FGFR3: variants seen among roughly 807,000 people sequenced by gnomAD.
FGFR3 encodes the protein fibroblast growth factor receptor 3.
FGFR3 carries 25 observed loss-of-function variants against 82.9 expected under a neutral mutation model. The observed-to-expected ratio is 0.30, with a 90% CI of 0.22 to 0.42. FGFR3 has a LOEUF of 0.42. Among genes scored for constraint, FGFR3 ranks in the 10% least tolerant of loss-of-function variants. The pLI, the probability that FGFR3 is intolerant of heterozygous loss-of-function variation, is 1.00. For missense variants in FGFR3, 1,026 were observed against 1,161.0 expected, an observed-to-expected ratio of 0.88 and a Z score of 1.69; for synonymous variants, 620 against 516.0, an observed-to-expected ratio of 1.20 and a Z score of -2.73.
chr4:1,801,389 C>A lies in FGFR3; in HGVS notation c.468C>A (p.Pro156=). 1 of 1,557,026 alleles carries A rather than the reference C, an allele frequency of 6.4e-7. No homozygotes were observed. The highest frequency in any genetic ancestry group is 8.7e-7 in the Non-Finnish European group (1 of 1,151,840). The change falls in exon 5 of 18, where the codon CCC becomes CCA. Residue 156 remains proline (P), a synonymous_variant. Coordinates refer to ENST00000440486, the MANE Select transcript of FGFR3 (RefSeq NM_000142.5). ...VDTGAPYWTR[P]ERMDKKLLAV... ...CAGGGGCCCCTTACTGGACACGGCC[C>A]GAGCGGATGGACAAGAAGCTGCTGG...
At chr4:1,804,997 C>T (rs750176638) in intron 10 of FGFR3, 28 bp downstream of exon 10, 5 of 1,530,602 alleles carry the variant, frequency 3.3e-6, no homozygotes, top group Admixed American at 2.0e-5. Context: ...CCAGCGTTGG[C>T]TGTAGGGGGC....
At chr4:1,794,716 G>A (rs1720264653) in intron 2 of FGFR3, among the ~76,000 whole-genome samples, 1 of 152,210 alleles carries the variant, frequency 6.6e-6, no homozygotes, top group African/African-American at 2.4e-5. Context: ...CAAGGGGCGA[G>A]GGGAGGGGAA....
At chr4:1,795,144 C>A (rs1218880475) in intron 2 of FGFR3, among the ~76,000 whole-genome samples, 1 of 151,938 alleles carries the variant, frequency 6.6e-6, no homozygotes, top group Non-Finnish European at 1.5e-5. Context: ...AGTGGCCCGG[C>A]GCTTGAATGT....
chr4:1,804,222 G>C, intron 8 of FGFR3, 108 bp from the exon 9 acceptor site: 1 of 1,301,384 alleles, frequency 7.7e-7, no homozygotes, highest in Non-Finnish European at 1.1e-6. Context: ...CTGAGGTTCT[G>C]AGCCCCCTTC....
At chr4:1,803,130 T>TGCACGCCCC (rs1225513528) in intron 7 of FGFR3, 457 of 1,432,556 alleles carry the variant, frequency 3.2e-4, no homozygotes, top group Admixed American at 3.6e-4. Context: ...CCGCGCGCCC[T>TGCACGCCCC]GCACGCCCCG....
At position 1,793,820 on chromosome 4, in the gene FGFR3, C is replaced by A; in HGVS notation, c.-102-13C>A. The A allele has an allele frequency of 5.5e-6, 1 of 183,098 alleles. No homozygotes were observed. The highest frequency in any genetic ancestry group is 1.7e-4 in the South Asian group (1 of 5,966). The allele number at this position is 183,098 out of a possible 1,614,324, so 11.3% of individuals were successfully genotyped here. On this transcript the variant is annotated splice_polypyrimidine_tract_variant and intron_variant, in intron 1 of 17. Transcript: ENST00000440486. ...GTCCGCCCCTCTAACGAGCTGCCTT[C>A]CTCCTCCTGTAGTCTCCCGAGCGGC...
At chr4:1,800,457 G>A (rs1009209688) in intron 4 of FGFR3, among the ~76,000 whole-genome samples, 3 of 152,082 alleles carry the variant, frequency 2.0e-5, no homozygotes, top group Admixed American at 6.5e-5. Flanking sequence ...TACGACTTGC[G>A]GACTGATGGT....
At chr4:1,795,471 A>T (rs1340933619) in intron 2 of FGFR3, among the ~76,000 whole-genome samples, 1 of 151,812 alleles carries the variant, frequency 6.6e-6, no homozygotes, top group Admixed American at 6.5e-5. Flanking sequence ...AGCTGGTGAA[A>T]CAGGTAGTGA....
intron 2 of FGFR3, among the ~76,000 whole-genome samples, chr4:1,797,562 C>T (rs995722154): frequency 6.6e-6 from 1 of 152,262 alleles, no homozygotes; most frequent in African/African-American, 2.4e-5. Flanking sequence ...CCGGAACCAA[C>T]CGGCTGTTGC....
rs1030504803 is a variant in FGFR3 at position 1,808,075 on chromosome 4, AGTTTT to A, written c.*819_*823del. The A allele has an allele frequency of 1.3e-5, 3 of 233,236 alleles. No homozygotes were observed. The highest frequency in any genetic ancestry group is 2.5e-5 in the Non-Finnish European group (3 of 118,214). The allele number at this position is 233,236 out of a possible 1,614,324, so 14.4% of individuals were successfully genotyped here. ...GGACCAGGGCCTTTTCTGGCACCGC[AGTTTT>A]GTTTTAAAACTGGACCTGTATATTT... On this transcript the variant is annotated 3_prime_UTR_variant, in exon 18 of 18. Transcript: ENST00000440486.
rs1323455609 is a variant in FGFR3 at position 1,801,825 on chromosome 4, G to A, written c.740-10G>A. 4 of 1,604,578 alleles carry A rather than the reference G, an allele frequency of 2.5e-6. No individual in the cohort carries two copies. In the African/African-American group the frequency reaches 5.4e-5, roughly 21 times the overall value. On this transcript the variant is annotated splice_polypyrimidine_tract_variant and intron_variant, in intron 6 of 17. Coordinates refer to ENST00000440486, the MANE Select transcript of FGFR3 (RefSeq NM_000142.5). ...AGGGGGTGGCCCCTGAGCGTCATCTGCCCCCACAGAGCGCTCCCCGCACCG... is the reference window on the plus strand; with the variant it reads ...AGGGGGTGGCCCCTGAGCGTCATCTACCCCCACAGAGCGCTCCCCGCACCG...
rs530215149 is a variant in FGFR3, at chr4:1,807,791, A to G, written c.*529A>G. The G allele has an allele frequency of 3.2e-4, 165 of 518,934 alleles. No individual in the cohort carries two copies. The highest frequency in any genetic ancestry group is 5.5e-4 in the Non-Finnish European group (148 of 269,568). 32.1% of individuals were successfully genotyped at this position (518,934 alleles called of 1,614,324 possible). On this transcript the variant is annotated 3_prime_UTR_variant, in exon 18 of 18. Coordinates refer to ENST00000440486, the MANE Select transcript of FGFR3 (RefSeq NM_000142.5). ...CCACTTCCCACCCTGCCCCTCAGAG[A>G]CTGAAATTACGGGTACCTGAAGATG...
At chr4:1,799,651 G>A in intron 3 of FGFR3, 96 bp from the exon 4 acceptor site, 1 of 1,567,412 alleles carries the variant, frequency 6.4e-7, no homozygotes, top group Non-Finnish European at 8.7e-7. Flanking sequence ...CCCAGGAAGT[G>A]CTGCCCAAAT....
At position 1,807,770 on chromosome 4, in the gene FGFR3, T is replaced by G; in HGVS notation, c.*508T>G. 3.6e-6 allele frequency: 2 copies of G among 555,040 alleles called. No individual in the cohort carries two copies. The highest frequency in any genetic ancestry group is 7.0e-6 in the Non-Finnish European group (2 of 283,932). 34.4% of individuals were successfully genotyped at this position (555,040 alleles called of 1,614,324 possible). On this transcript the variant is annotated 3_prime_UTR_variant, in exon 18 of 18. Transcript: ENST00000440486. ...CCTCCCCACCTCCAGGCTTTCCCAC[T>G]TCCCACCCTGCCCCTCAGAGACTGA...
intron 2 of FGFR3, among the ~76,000 whole-genome samples, chr4:1,798,701 G>T (rs1295233573): frequency 6.6e-6 from 1 of 152,112 alleles, no homozygotes; most frequent in Non-Finnish European, 1.5e-5. Flanking sequence ...GCTCATATGG[G>T]GTGCGGGGGC....
chr4:1,796,885 GT>G (rs1720578882), intron 2 of FGFR3, among the ~76,000 whole-genome samples: 1 of 152,196 alleles, frequency 6.6e-6, no homozygotes, highest in Admixed American at 6.5e-5. Context: ...TTGTGCCACA[GT>G]GGGGGAAACT....
At chr4:1,803,258 G>A (rs756430871) in intron 7 of FGFR3, 110 of 665,992 alleles carry the variant, frequency 1.7e-4, no homozygotes, top group African/African-American at 9.2e-4. Flanking sequence ...GGCCTGCGCC[G>A]ACCCTTCCCG....
At position 1,799,496 on chromosome 4, in the gene FGFR3, C is replaced by G. The variant is rs1168436500; in HGVS notation, c.352C>G (p.Leu118Val). Reference protein sequence around the residue: ...SCRQRLTQRVLCHFSVRVTDA... With the variant: ...SCRQRLTQRVVCHFSVRVTDA... ...CCGGCAGCGGCTCACGCAGCGCGTA[C>G]TGTGCCACTTCAGTGTGCGGGTGAC... Residue 118 changes from leucine to valine, a missense_variant, in exon 3 of 18, where the codon CTG becomes GTG. Transcript: ENST00000440486. 6 of 1,565,816 alleles carry G rather than the reference C, an allele frequency of 3.8e-6. No individual in the cohort carries two copies. Among genetic ancestry groups the G allele is most frequent in the Non-Finnish European group, 5.2e-6 (6 of 1,156,130 alleles).
At chr4:1,799,840 A>G in intron 4 of FGFR3, 28 bp downstream of exon 4, 1 of 1,610,350 alleles carries the variant, frequency 6.2e-7, no homozygotes, top group Non-Finnish European at 8.5e-7. Context: ...GGTTCAGGCC[A>G]GCCGGGGTGG....
Sources: gnomAD v4.1 joint callset for allele counts (sites outside exome capture counted in the v4.1 genomes callset) on GRCh38, gnomAD v4.1.1 for gene constraint, MANE v1.5 for transcripts, NCBI Gene and HGNC (gene_info 2026-07-23, HGNC 2026-07-21) for gene names.